The following CACNB4 variants were observed in gnomAD, a reference collection of about 807,000 sequenced individuals.
The protein encoded by CACNB4 is voltage-dependent L-type calcium channel subunit beta-4.
In CACNB4, 32 loss-of-function variants were observed where a neutral mutation model predicts 71.2. The ratio of observed to expected loss-of-function variants is 0.45; its 90% CI spans 0.34 to 0.60. The LOEUF is 0.60. Ranked by LOEUF, CACNB4 falls within the 20% of genes least tolerant of loss-of-function variation. CACNB4 has a pLI of 0.01. For synonymous variants in CACNB4, 231 were observed against 236.9 expected (o/e 0.97, Z 0.23); for missense variants, 464 against 647.9 (o/e 0.72, Z 3.08).
chr2:152,083,769 T>G (rs1687497671), intron 2 of CACNB4, among the ~76,000 whole-genome samples: 1 of 152,202 alleles, frequency 6.6e-6, no homozygotes, highest in Non-Finnish European at 1.5e-5. Flanking sequence ...AAGTTTGAAA[T>G]AGACCAAGTT....
At chr2:151,846,898 G>T (rs919626007) in intron 12 of CACNB4, among the ~76,000 whole-genome samples, 2 of 152,026 alleles carry the variant, frequency 1.3e-5, no homozygotes, top group Non-Finnish European at 2.9e-5. Context: ...TAGCTAGACA[G>T]GGGATTAAAT....
At chr2:151,849,303 G>GCATAATCCTGCAGT (rs1237264698) in intron 12 of CACNB4, among the ~76,000 whole-genome samples, 1 of 152,104 alleles carries the variant, frequency 6.6e-6, no homozygotes, top group Non-Finnish European at 1.5e-5. Flanking sequence ...CACTCTGTCG[G>GCATAATCCTGCAGT]GTAGAGTGCA....
At chr2:151,916,897 G>A (rs2099857659) in intron 2 of CACNB4, among the ~76,000 whole-genome samples, 1 of 152,186 alleles carries the variant, frequency 6.6e-6, no homozygotes, top group Admixed American at 6.5e-5. Context: ...GAAACACCCT[G>A]CAATGCACAG....
intron 9 of CACNB4, among the ~76,000 whole-genome samples, chr2:151,865,147 G>A (rs902584903): frequency 1.3e-5 from 2 of 152,184 alleles, no homozygotes; most frequent in African/African-American, 4.8e-5. Flanking sequence ...AGTTGCTGCT[G>A]TTCTTTTTCC....
chr2:152,002,969 T>A (rs1682509428), intron 2 of CACNB4, among the ~76,000 whole-genome samples: 1 of 152,218 alleles, frequency 6.6e-6, no homozygotes. Flanking sequence ...CCCAATTAGG[T>A]TCTGCATTTT....
intron 2 of CACNB4, among the ~76,000 whole-genome samples, chr2:151,884,967 T>C (rs1441172847): frequency 1.3e-5 from 2 of 152,172 alleles, no homozygotes; most frequent in Non-Finnish European, 2.9e-5. Flanking sequence ...CTTTAAGAAA[T>C]AGTTGACTGC....
Position 152,098,735 on chromosome 2 carries a change from C to G in CACNB4, c.63+214G>C, listed in dbSNP as rs1688426645. On this transcript the variant is annotated intron_variant, in intron 1 of 13. Transcript: ENST00000539935. The surrounding 1 kb of genome is among the most constrained non-coding windows in gnomAD (Gnocchi z 5.3). ...GCTCCGGAGCGGGAGCGCAGAGACC[C>G]GAAGGAGGGTGAGGAGGAGGAGGAA... is the stretch of plus-strand genomic sequence containing the variant. The G allele has an allele frequency of 4.6e-6, 7 of 1,538,194 alleles. No homozygotes were observed. Among genetic ancestry groups the G allele is most frequent in the South Asian group, 3.6e-5 (3 of 83,060 alleles).
intron 2 of CACNB4, among the ~76,000 whole-genome samples, chr2:151,886,424 TAAC>T (rs2099849384): frequency 6.6e-6 from 1 of 152,214 alleles, no homozygotes; most frequent in Non-Finnish European, 1.5e-5. Context: ...GAAAGTACCT[TAAC>T]AACTTTTCAA....
At chr2:152,084,119 G>A (rs1047131936) in intron 2 of CACNB4, among the ~76,000 whole-genome samples, 2 of 152,196 alleles carry the variant, frequency 1.3e-5, no homozygotes, top group Non-Finnish European at 2.9e-5. Context: ...AAAAGTCACT[G>A]CTAGAAGCAG....
At chr2:152,060,652 G>A (rs756455317) in intron 2 of CACNB4, among the ~76,000 whole-genome samples, 3 of 152,042 alleles carry the variant, frequency 2.0e-5, no homozygotes, top group Admixed American at 6.6e-5. Context: ...TTTATCATAA[G>A]AAAATAAAAC....
chr2:152,094,250 A>C (rs1029550668), intron 2 of CACNB4, among the ~76,000 whole-genome samples: 7 of 152,236 alleles, frequency 4.6e-5, no homozygotes, highest in African/African-American at 1.7e-4. Flanking sequence ...GAAGATTAAA[A>C]GTTAACTAGG....
chr2:151,846,288 A>G (rs909026852), intron 12 of CACNB4, among the ~76,000 whole-genome samples: 1 of 152,154 alleles, frequency 6.6e-6, no homozygotes, highest in African/African-American at 2.4e-5. Flanking sequence ...TCCGGGTCCT[A>G]CCTGGAGGAA....
At chr2:151,894,173 A>T (rs1015335666) in intron 2 of CACNB4, among the ~76,000 whole-genome samples, 1 of 152,212 alleles carries the variant, frequency 6.6e-6, no homozygotes, top group African/African-American at 2.4e-5. Context: ...AAAAAGATAA[A>T]AATAATTTAA....
At chr2:151,882,865 C>A in intron 3 of CACNB4, 1 of 276,196 alleles carries the variant, frequency 3.6e-6, no homozygotes, top group South Asian at 4.2e-5. Flanking sequence ...ACAAACAGGG[C>A]GATCCACAGA....
intron 2 of CACNB4, 72 bp from the exon 3 acceptor site, chr2:151,883,442 G>A: frequency 6.6e-7 from 1 of 1,519,146 alleles, no homozygotes; most frequent in Non-Finnish European, 9.1e-7. Flanking sequence ...ACAGTATCCT[G>A]GGGCGAGTTC....
rs551044114 is a variant in CACNB4, at chr2:152,098,801, C to A, written c.63+148G>T. ...GAGGAGGAGCGGGAGGAGAAAGGGA[C>A]GTGGAGGAGGGGTGGGGGGAGCGGG... On this transcript the variant is annotated intron_variant, in intron 1 of 13. Transcript: ENST00000539935. This position sits in a 1 kb window ranked among gnomAD's most constrained non-coding sequence, Gnocchi z 5.3. The A allele has an allele frequency of 6.8e-5, 34 of 503,384 alleles. No individual in the cohort carries two copies. The highest frequency in any genetic ancestry group is 6.3e-4 in the African/African-American group (30 of 47,282). 31.2% of individuals were successfully genotyped at this position (503,384 alleles called of 1,614,324 possible). A position where few individuals can be genotyped will look rare whatever the true frequency, so the allele number is the denominator to read the frequency against.
intron 2 of CACNB4, among the ~76,000 whole-genome samples, chr2:151,900,907 G>C (rs969658246): frequency 2.0e-5 from 3 of 151,224 alleles, no homozygotes; most frequent in Admixed American, 6.6e-5. Context: ...GACTAAAGGG[G>C]AAAAAACATC....
rs116594685 is a variant in CACNB4, at chr2:151,940,278, A to C, written c.148-56908T>G. On this transcript the variant is annotated intron_variant, in intron 2 of 13. Coordinates refer to ENST00000539935, the MANE Select transcript of CACNB4 (RefSeq NM_000726.5). ...AACTTCAAACCAAACAGCATGACAC[A>C]GGAGCCTCCTTGAATTTCTAGAATC... is the stretch of plus-strand genomic sequence containing the variant. Among the ~76,000 whole-genome samples the C allele has an allele frequency of 9.5e-3, 1,444 of 152,332 alleles. 18 individuals carry two copies. Among genetic ancestry groups the C allele is most frequent in the African/African-American group, 0.033 (1,363 of 41,566 alleles).
intron 2 of CACNB4, among the ~76,000 whole-genome samples, chr2:152,034,086 C>G (rs189247638): frequency 3.9e-5 from 6 of 152,300 alleles, no homozygotes; most frequent in Admixed American, 3.3e-4. Context: ...CCCTCACTAA[C>G]AGGCAGCACT....
Sources: allele counts gnomAD v4.1 joint callset (sites outside exome capture counted in the v4.1 genomes callset), GRCh38; gene constraint gnomAD v4.1.1; non-coding constraint Gnocchi (gnomAD v3.1); transcripts MANE v1.5; gene names NCBI Gene and HGNC (gene_info 2026-07-23, HGNC 2026-07-21).